Variants in PIGG observed in about 807,000 individuals in gnomAD.
PIGG encodes the protein GPI ethanolamine phosphate transferase 2, catalytic subunit.
In PIGG, 70 loss-of-function variants were observed where a neutral mutation model predicts 83.2. That is an observed-to-expected ratio of 0.84 (90% CI 0.69 to 1.03). The LOEUF (loss-of-function observed/expected upper bound fraction) is 1.03. Among genes scored for constraint, PIGG ranks in the 50% least tolerant of loss-of-function variants. The pLI is 0.00. For synonymous variants in PIGG, 532 were observed against 519.5 expected, an observed-to-expected ratio of 1.02 and a Z score of -0.33; for missense variants, 1,257 against 1,233.6, an observed-to-expected ratio of 1.02 and a Z score of -0.28.
At chr4:508,280 G>A (rs1232804937) in intron 4 of PIGG, among the ~76,000 whole-genome samples, 1 of 152,196 alleles carries the variant, frequency 6.6e-6, no homozygotes, top group Non-Finnish European at 1.5e-5. Flanking sequence ...AGGGAGGGAG[G>A]GGCAGACCAT....
rs1728229133 is a variant in PIGG, at chr4:528,350, A to G, written c.2261+1120A>G. On this transcript the variant is annotated intron_variant, in intron 10 of 12. Transcript: ENST00000453061. This position sits in a 1 kb window ranked among gnomAD's most constrained non-coding sequence, Gnocchi z 4.8. ...TTATTTTTGTATCTTAGCGATGTCT[A>G]GAGTTAATAAGTGTTGCTTTTCTAA... 1 of 985,244 alleles carries G rather than the reference A, an allele frequency of 1.0e-6. No individual in the cohort carries two copies. Among genetic ancestry groups the G allele is most frequent in the African/African-American group, 1.7e-5 (1 of 57,336 alleles). The allele number at this position is 985,244 out of a possible 1,614,324, so 61.0% of individuals were successfully genotyped here.
At chr4:520,925 C>T (rs774736810) in intron 6 of PIGG, 131 bp from the exon 7 acceptor site, 11 of 670,764 alleles carry the variant, frequency 1.6e-5, no homozygotes, top group Non-Finnish European at 2.9e-5. Flanking sequence ...GATTGATCTT[C>T]ATTAAGCGTC....
intron 6 of PIGG, among the ~76,000 whole-genome samples, chr4:516,560 G>A (rs1012700449): frequency 3.9e-5 from 6 of 152,166 alleles, no homozygotes; most frequent in African/African-American, 1.4e-4. Context: ...GAGTACCTTA[G>A]GAAAAGAATA....
Position 506,728 on chromosome 4 carries a change from G to A in PIGG, c.571-677G>A, listed in dbSNP as rs782804396. 1.0e-4 allele frequency: 47 copies of A among 455,630 alleles called. 1 individual carries two copies. Among genetic ancestry groups the A allele is most frequent in the South Asian group, 7.0e-4 (45 of 64,522 alleles). 28.2% of individuals were successfully genotyped at this position (455,630 alleles called of 1,614,324 possible). On this transcript the variant is annotated intron_variant, in intron 3 of 12. Coordinates refer to ENST00000453061, the MANE Select transcript of PIGG (RefSeq NM_001127178.3). Reference sequence around the variant, plus strand: ...CAGCTCTATTGGGGGCTGATCAACTGCTCATCTCTCCTCCGTGATGTGTTT... The same window carrying A: ...CAGCTCTATTGGGGGCTGATCAACTACTCATCTCTCCTCCGTGATGTGTTT...
chr4:506,502 ACCT>A (rs1560281635), intron 3 of PIGG, among the ~76,000 whole-genome samples: 1 of 152,056 alleles, frequency 6.6e-6, no homozygotes, highest in African/African-American at 2.4e-5. Flanking sequence ...AGCCAGCTTC[ACCT>A]CCTAGATGGC....
chr4:521,177 C>T lies in PIGG; in HGVS notation c.1236C>T (p.Tyr412=), dbSNP rs755344002. The change falls in exon 7 of 13, where the codon TAC becomes TAT. Residue 412 remains tyrosine, a synonymous_variant. Coordinates refer to ENST00000453061, the MANE Select transcript of PIGG (RefSeq NM_001127178.3). ...TGGGCTCCAAGGTTCTCAGGCAGTACCTGGATGCTCTGAAGACGCTGAGCT... is the reference window on the plus strand; with the variant it reads ...TGGGCTCCAAGGTTCTCAGGCAGTATCTGGATGCTCTGAAGACGCTGAGCT... ...FNLGSKVLRQ[Y]LDALKTLSLS... 8 of 1,613,900 alleles carry T rather than the reference C, an allele frequency of 5.0e-6. No individual in the cohort carries two copies. Among genetic ancestry groups the T allele is most frequent in the African/African-American group, 1.3e-5 (1 of 74,870 alleles).
At chr4:526,898 T>C in intron 9 of PIGG, 141 bp from the exon 10 acceptor site, 1 of 976,790 alleles carries the variant, frequency 1.0e-6, no homozygotes, top group East Asian at 2.6e-5. Context: ...TGTTTGAAAA[T>C]AAAAATCAAC....
At position 528,078 on chromosome 4, in the gene PIGG, G is replaced by A. The variant is rs941230920; in HGVS notation, c.2261+848G>A. On this transcript the variant is annotated intron_variant, in intron 10 of 12. Transcript: ENST00000453061. The surrounding 1 kb of genome is among the most constrained non-coding windows in gnomAD (Gnocchi z 4.8). ...TGAGGTCGGTGCTCTGACAGTGACC[G>A]TCCCAGTGAGGTCGGTGCTCTGATA... 32 of 984,864 alleles carry A rather than the reference G, an allele frequency of 3.2e-5. No homozygotes were observed. In the East Asian group the frequency reaches 4.5e-4, roughly 14 times the overall value. 61.0% of individuals were successfully genotyped at this position (984,864 alleles called of 1,614,324 possible).
intron 12 of PIGG, among the ~76,000 whole-genome samples, chr4:535,966 G>T (rs972023710): frequency 2.6e-5 from 4 of 152,200 alleles, no homozygotes; most frequent in African/African-American, 9.6e-5. Context: ...CAGGACTGAG[G>T]AGCCCTTTAC....
At chr4:520,659 G>GC (rs1188410331) in intron 6 of PIGG, among the ~76,000 whole-genome samples, 1 of 152,238 alleles carries the variant, frequency 6.6e-6, no homozygotes. Flanking sequence ...CCTGACTGTT[G>GC]ACATAATGCA....
chr4:506,091 TAAC>T (rs1467842058), intron 3 of PIGG, among the ~76,000 whole-genome samples, 164 bp downstream of exon 3: 5 of 152,062 alleles, frequency 3.3e-5, no homozygotes, highest in African/African-American at 1.2e-4. Context: ...CATAATCAGT[TAAC>T]AACCCAGAAA....
Position 500,549 on chromosome 4 carries a change from A to C in PIGG, c.308A>C (p.His103Pro). Residue 103 changes from histidine (H) to proline (P), a missense_variant, in exon 2 of 13, where the codon CAC becomes CCC. Transcript: ENST00000453061. ...TTYLVEKGASHSFVAEAKPPT... is the reference protein window; with the variant it reads ...TTYLVEKGASPSFVAEAKPPT... ...TACCTTGTGGAAAAAGGAGCATCTC[A>C]CAGTTTTGTGGCTGAAGCAAAGCCA... 1 of 1,613,786 alleles carries C rather than the reference A, an allele frequency of 6.2e-7. No individual in the cohort carries two copies. The highest frequency in any genetic ancestry group is 1.1e-5 in the South Asian group (1 of 91,076).
rs1205921842 is a variant in PIGG, at chr4:523,773, C to T, written c.1929C>T (p.Ser643=). 69 of 1,613,966 alleles carry T rather than the reference C, an allele frequency of 4.3e-5. No individual in the cohort carries two copies. The highest frequency in any genetic ancestry group is 1.6e-4 in the Middle Eastern group (1 of 6,062). The part of the protein sequence containing the change: ...RDKGHGSPST[S]EVLRGREKWM... ...AAGGCCACGGAAGCCCCTCTACCTC[C>T]GAAGTGCTCAGAGGCCGCGAGAAGT... The change falls in exon 9 of 13, where the codon TCC becomes TCT. Residue 643 remains serine, a synonymous_variant. Transcript: ENST00000453061.
chr4:513,888 C>T (rs1723022015), intron 5 of PIGG, among the ~76,000 whole-genome samples: 1 of 152,170 alleles, frequency 6.6e-6, no homozygotes, highest in African/African-American at 2.4e-5. Flanking sequence ...AGAAATAGAC[C>T]TCAGTGTATC....
chr4:512,216 C>CTTTTTTT (rs781786642), intron 5 of PIGG, among the ~76,000 whole-genome samples: 1 of 114,288 alleles, frequency 8.7e-6, no homozygotes. Context: ...AGTTATCATA[C>CTTTTTTT]TTTTTTTTTT....
At chr4:500,993 C>G in intron 2 of PIGG, 1 of 394,052 alleles carries the variant, frequency 2.5e-6, no homozygotes, top group South Asian at 1.9e-5. Context: ...AAAGCAAACT[C>G]AGATAAGTTA....
intron 9 of PIGG, 28 bp from the exon 10 acceptor site, chr4:527,010 TA>T: frequency 6.2e-7 from 1 of 1,612,532 alleles, no homozygotes; most frequent in Non-Finnish European, 8.5e-7. Context: ...TTTGTTTACG[TA>T]ATGCTGGCAT....
Position 527,031 on chromosome 4 carries a change from C to T in PIGG, c.2070-8C>T, listed in dbSNP as rs1264496836. The T allele has an allele frequency of 6.2e-7, 1 of 1,614,104 alleles. No homozygotes were observed. The highest frequency in any genetic ancestry group is 2.2e-5 in the East Asian group (1 of 44,886). On this transcript the variant is annotated splice_polypyrimidine_tract_variant and splice_region_variant and intron_variant, in intron 9 of 12. Coordinates refer to ENST00000453061, the MANE Select transcript of PIGG (RefSeq NM_001127178.3). ...TACGTAATGCTGGCATTTTCCATCT[C>T]ATTTCAGCTCTGACCACAAAGCCGA...
At position 515,825 on chromosome 4, in the gene PIGG, A is replaced by G. The variant is rs1723641663; in HGVS notation, c.902-148A>G. On this transcript the variant is annotated intron_variant, in intron 5 of 12. Coordinates refer to ENST00000453061, the MANE Select transcript of PIGG (RefSeq NM_001127178.3). The surrounding 1 kb of genome is among the most constrained non-coding windows in gnomAD (Gnocchi z 4.2). ...CGGTAACTATCAACACAGCAAGCAC[A>G]GGAGGTGATTCCTGTACGATTCTGT... 2 of 663,624 alleles carry G rather than the reference A, an allele frequency of 3.0e-6. No individual in the cohort carries two copies. Among genetic ancestry groups the G allele is most frequent in the Non-Finnish European group, 5.3e-6 (2 of 373,980 alleles). 41.1% of individuals were successfully genotyped at this position (663,624 alleles called of 1,614,324 possible).
Sources: gnomAD v4.1 joint callset for allele counts (sites outside exome capture counted in the v4.1 genomes callset) on GRCh38, gnomAD v4.1.1 for gene constraint, Gnocchi (gnomAD v3.1) non-coding constraint, MANE v1.5 for transcripts, NCBI Gene and HGNC (gene_info 2026-07-23, HGNC 2026-07-21) for gene names.